The following TINAG variants were observed in gnomAD, a reference collection of about 807,000 sequenced individuals.
TINAG encodes tubulointerstitial nephritis antigen.
A neutral mutation model predicts 72.7 loss-of-function variants in TINAG; 83 were observed. The observed-to-expected ratio is 1.14, with a 90% CI of 0.96 to 1.37. TINAG has a LOEUF of 1.37. TINAG is among the 40% of genes most tolerant of loss of function. The pLI, the probability that TINAG is intolerant of heterozygous loss-of-function variation, is 0.00. For missense variants in TINAG, 685 were observed against 576.6 expected, an observed-to-expected ratio of 1.19 and a Z score of -1.93; for synonymous variants, 234 against 189.9, an observed-to-expected ratio of 1.23 and a Z score of -1.91.
intron 1 of TINAG, among the ~76,000 whole-genome samples, chr6:54,319,025 C>T (rs62412584): frequency 0.1 from 15,589 of 151,954 alleles, 904 homozygotes; most frequent in African/African-American, 0.15. Context: ...CCCCTGACTT[C>T]AAAATTATTA....
intron 4 of TINAG, among the ~76,000 whole-genome samples, chr6:54,330,995 C>A (rs917449424): frequency 6.6e-6 from 1 of 152,056 alleles, no homozygotes; most frequent in Non-Finnish European, 1.5e-5. Context: ...AGTCTAGGAC[C>A]AGACGAATTC....
In TINAG at chr6:54,311,951, A is replaced by AT. The variant is rs1784268922; in HGVS notation, c.355+3051dup. ...ATAGGATATTTCTCCACTTACTCTG[A>AT]TTTTTAAAAATATCCTTAAATAGAT... On this transcript the variant is annotated intron_variant, in intron 1 of 10. Transcript: ENST00000259782. Among the ~76,000 whole-genome samples, 3 of 152,302 alleles carry AT rather than the reference A, an allele frequency of 2.0e-5. No homozygotes were observed. The South Asian group carries it at 6.2e-4, about 32-fold the overall frequency.
Position 54,343,245 on chromosome 6 carries a change from C to T in TINAG, c.644C>T (p.Thr215Ile). 6.4e-7 allele frequency: 1 copy of T among 1,571,808 alleles called. No homozygotes were observed. Among genetic ancestry groups the T allele is most frequent in the Non-Finnish European group, 8.6e-7 (1 of 1,156,656 alleles). The change falls in exon 5 of 11, where the codon ACT becomes ATT. Residue 215 changes from threonine to isoleucine, a missense_variant. By Grantham distance (89) the Thr-to-Ile change is moderately conservative. Coordinates refer to ENST00000259782, the MANE Select transcript of TINAG (RefSeq NM_014464.4). ...NEMTASLPAT[T>I]DLPEFFVASY... ...CTTTAGGCTTCTTTACCTGCAACAA[C>T]TGATCTTCCAGAGTTTTTTGTTGCT...
chr6:54,319,319 C>T (rs1265938565), intron 1 of TINAG, among the ~76,000 whole-genome samples: 1 of 152,066 alleles, frequency 6.6e-6, no homozygotes, highest in Non-Finnish European at 1.5e-5. Flanking sequence ...TAGAAACATA[C>T]TGTGGATTCA....
chr6:54,349,128 TTTA>T (rs1207587204), intron 6 of TINAG, among the ~76,000 whole-genome samples: 2 of 151,870 alleles, frequency 1.3e-5, no homozygotes. Flanking sequence ...AGTTTTCTAC[TTTA>T]TTAACATTTA....
At chr6:54,361,569 C>T (rs2150967846) in intron 9 of TINAG, among the ~76,000 whole-genome samples, 1 of 151,746 alleles carries the variant, frequency 6.6e-6, no homozygotes, top group Middle Eastern at 3.4e-3. Context: ...CCACTAAGCC[C>T]CTCCATAATA....
At chr6:54,341,273 G>C (rs1297097535) in intron 4 of TINAG, among the ~76,000 whole-genome samples, 1 of 152,122 alleles carries the variant, frequency 6.6e-6, no homozygotes, top group African/African-American at 2.4e-5. Context: ...AGCTAGGAAG[G>C]CACCTTTCAA....
intron 10 of TINAG, among the ~76,000 whole-genome samples, chr6:54,381,807 G>A (rs750436556): frequency 2.3e-4 from 35 of 151,978 alleles, no homozygotes; most frequent in Non-Finnish European, 4.1e-4. Context: ...ATCTCATAAC[G>A]ATGTAATATT....
At chr6:54,341,085 A>C (rs528208343) in intron 4 of TINAG, among the ~76,000 whole-genome samples, 16 of 152,270 alleles carry the variant, frequency 1.1e-4, no homozygotes, top group African/African-American at 3.8e-4. Context: ...AGTAGAAGGA[A>C]CATATCCTAG....
intron 4 of TINAG, among the ~76,000 whole-genome samples, chr6:54,333,276 T>A (rs986944351): frequency 1.3e-5 from 2 of 152,144 alleles, no homozygotes; most frequent in African/African-American, 2.4e-5. Context: ...TACCATGGAA[T>A]ACTATGCAGC....
At chr6:54,329,143 G>A (rs542433393) in intron 4 of TINAG, among the ~76,000 whole-genome samples, 3 of 152,104 alleles carry the variant, frequency 2.0e-5, no homozygotes, top group Non-Finnish European at 2.9e-5. Context: ...GATACTCCTC[G>A]AGAAGAGCAA....
chr6:54,327,202 C>A (rs147784988), intron 4 of TINAG: 3 of 1,528,620 alleles, frequency 2.0e-6, no homozygotes, highest in Non-Finnish European at 2.6e-6. Flanking sequence ...CAGCTCCCAG[C>A]GAGACCAACG....
intron 9 of TINAG, among the ~76,000 whole-genome samples, chr6:54,360,289 C>A (rs1374836555): frequency 6.6e-6 from 1 of 151,566 alleles, no homozygotes; most frequent in Non-Finnish European, 1.5e-5. Context: ...AATGCTATGG[C>A]TATAGATGCA....
chr6:54,308,116 C>T, upstream of TINAG: 1 of 1,549,520 alleles, frequency 6.5e-7, no homozygotes, highest in Non-Finnish European at 8.7e-7. Flanking sequence ...CGAATAATTG[C>T]ATTTTTGACT....
At chr6:54,325,324 C>T (rs1000632477) in intron 3 of TINAG, among the ~76,000 whole-genome samples, 20 of 152,054 alleles carry the variant, frequency 1.3e-4, no homozygotes, top group Admixed American at 6.6e-4. Context: ...CTATGTTCTC[C>T]GTGTTTATCA....
At chr6:54,310,961 T>G (rs1188240318) in intron 1 of TINAG, among the ~76,000 whole-genome samples, 5 of 151,014 alleles carry the variant, frequency 3.3e-5, no homozygotes, top group Admixed American at 6.6e-5. Context: ...CTTTCTCTTC[T>G]TTCCTTTCTC....
At chr6:54,360,841 G>GGTTTTTTTTTTTT (rs1763205258) in intron 9 of TINAG, among the ~76,000 whole-genome samples, 1 of 26,242 alleles carries the variant, frequency 3.8e-5, no homozygotes, top group Non-Finnish European at 8.5e-5. Flanking sequence ...CAGATACTGT[G>GGTTTTTTTTTTTT]TTTTTTTTTT....
At position 54,343,311 on chromosome 6, in the gene TINAG, A is replaced by G; in HGVS notation, c.710A>G (p.Gln237Arg). The G allele has an allele frequency of 6.4e-7, 1 of 1,560,360 alleles. No homozygotes were observed. Among genetic ancestry groups the G allele is most frequent in the Non-Finnish European group, 8.7e-7 (1 of 1,150,878 alleles). ...GGATGGACTCATGGCCCATTGGATC[A>G]AAAAAATTGTGCTGCATCCTGGGCA... ...WPGWTHGPLD[Q>R]KNCAASWAFS... Residue 237 changes from glutamine (Q) to arginine (R), a missense_variant, in exon 5 of 11, where the codon CAA becomes CGA. Physicochemically the swap from Gln to Arg is conservative, Grantham distance 43. Transcript: ENST00000259782.
chr6:54,316,541 G>A (rs548742278), intron 1 of TINAG, among the ~76,000 whole-genome samples: 1 of 152,126 alleles, frequency 6.6e-6, no homozygotes, highest in Non-Finnish European at 1.5e-5. Context: ...ACAACCCTGG[G>A]GGGTGGATTC....
Sources: allele counts gnomAD v4.1 joint callset (sites outside exome capture counted in the v4.1 genomes callset), GRCh38; gene constraint gnomAD v4.1.1; transcripts MANE v1.5; gene names NCBI Gene and HGNC (gene_info 2026-07-23, HGNC 2026-07-21).